The following MACF1 variants were observed in gnomAD, a reference collection of about 807,000 sequenced individuals.
The protein encoded by MACF1 is microtubule actin crosslinking factor 1.
Under a neutral mutation model 854.8 loss-of-function variants are expected in MACF1, and 193 were observed. That is an observed-to-expected ratio of 0.23 (90% CI 0.20 to 0.25). MACF1 has a LOEUF of 0.25. Ranked by LOEUF, MACF1 falls within the 10% of genes least tolerant of loss-of-function variation. MACF1 has a pLI of 1.00. For synonymous variants in MACF1, 3,185 were observed against 3,226.7 expected, an observed-to-expected ratio of 0.99 and a Z score of 0.44; for missense variants, 7,722 against 8,929.1, an observed-to-expected ratio of 0.86 and a Z score of 5.45.
At chr1:39,203,255 G>A (rs1008953842), upstream of MACF1, among the ~76,000 whole-genome samples, 1 of 152,200 alleles carries the variant, frequency 6.6e-6, no homozygotes, top group Non-Finnish European at 1.5e-5. Context: ...AAAGGCTGTA[G>A]TGCAGTGGCA....
chr1:39,164,141 G>C (rs1418893131), intron 2 of MACF1, among the ~76,000 whole-genome samples: 2 of 152,112 alleles, frequency 1.3e-5, no homozygotes, highest in Non-Finnish European at 2.9e-5. Flanking sequence ...ACATACTCCA[G>C]TAGCGGGGCA....
chr1:39,454,489 G>A (rs1328560138), intron 88 of MACF1, among the ~76,000 whole-genome samples: 1 of 152,084 alleles, frequency 6.6e-6, no homozygotes, highest in Non-Finnish European at 1.5e-5. Context: ...GACTGTTTGG[G>A]TGGTCTCTCC....
intron 92 of MACF1, among the ~76,000 whole-genome samples, chr1:39,461,543 C>G (rs112836713): frequency 6.6e-6 from 1 of 151,998 alleles, no homozygotes; most frequent in Admixed American, 6.6e-5. Flanking sequence ...AATCCCAGCA[C>G]TTTGGGAGGC....
chr1:39,440,943 A>G, intron 72 of MACF1, 60 bp from the exon 73 acceptor site: 1 of 1,595,576 alleles, frequency 6.3e-7, no homozygotes, highest in Non-Finnish European at 8.6e-7. Flanking sequence ...ACATTTGCAA[A>G]GTTTGGTAAG....
intron 6 of MACF1, among the ~76,000 whole-genome samples, chr1:39,265,698 T>G (rs182883776): frequency 9.8e-5 from 15 of 152,330 alleles, no homozygotes; most frequent in African/African-American, 3.6e-4. Flanking sequence ...CAGTTTCTAC[T>G]GAATGCATAT....
In MACF1 at chr1:39,084,257, ATGTCGGAGTGAGCGGTCT is replaced by A. The variant is rs376408478; in HGVS notation, c.54_71del (p.Cys20_Ser25del). On this transcript the variant is annotated inframe_deletion, in exon 2 of 94. Coordinates refer to the MACF1 transcript ENST00000361689. This position sits in a 1 kb window ranked among gnomAD's most constrained non-coding sequence, Gnocchi z 5.2. ...ATGAAGAGACGCTCAGTGAGCGGTC[ATGTCGGAGTGAGCGGTCT>A]TGTCGGAGTGAGCGATCTTACAGGA... 7.1e-5 allele frequency: 115 copies of A among 1,612,846 alleles called. No homozygotes were observed. Among genetic ancestry groups the A allele is most frequent in the African/African-American group, 6.8e-4 (51 of 75,022 alleles).
At chr1:39,129,382 G>T (rs772188589) in intron 2 of MACF1, among the ~76,000 whole-genome samples, 1 of 152,194 alleles carries the variant, frequency 6.6e-6, no homozygotes, top group African/African-American at 2.4e-5. Flanking sequence ...AAAGGCTGGC[G>T]TATTGCAGAG....
intron 2 of MACF1, among the ~76,000 whole-genome samples, chr1:39,174,295 A>G (rs1409066216): frequency 1.3e-5 from 2 of 152,180 alleles, no homozygotes; most frequent in Non-Finnish European, 2.9e-5. Flanking sequence ...ATAGTAGACC[A>G]TTTTCATAGG....
upstream of MACF1, among the ~76,000 whole-genome samples, chr1:39,201,955 CTTTTTTTTTT>C (rs748333630): frequency 2.2e-3 from 117 of 52,364 alleles, no homozygotes; most frequent in Non-Finnish European, 2.9e-3. Context: ...TGCTCATATT[CTTTTTTTTTT>C]TTTTTTTTTT....
intron 100 of MACF1, 179 bp downstream of exon 100, chr1:39,484,909 T>G (rs1645076692): frequency 2.9e-6 from 2 of 685,022 alleles, no homozygotes; most frequent in East Asian, 5.5e-5. Context: ...ACAGCTAGCT[T>G]TAAGCTTTCC....
At chr1:39,450,674 C>T (rs1644324574) in intron 84 of MACF1, among the ~76,000 whole-genome samples, 1 of 139,940 alleles carries the variant, frequency 7.1e-6, no homozygotes. Context: ...TGCAGTGGTG[C>T]AATCTCGGCT....
chr1:39,368,527 A>G (rs1044417449), intron 50 of MACF1, among the ~76,000 whole-genome samples: 6 of 151,816 alleles, frequency 4.0e-5, no homozygotes, highest in African/African-American at 1.2e-4. Context: ...TTTGAGACTG[A>G]GTATCACTCT....
intron 95 of MACF1, among the ~76,000 whole-genome samples, chr1:39,465,882 AG>A (rs1342269406): frequency 6.6e-6 from 1 of 152,238 alleles, no homozygotes; most frequent in African/African-American, 2.4e-5. Context: ...TGGGAAGAAC[AG>A]GGGATAAGAG....
chr1:39,097,078 T>C (rs1158685583), intron 2 of MACF1, among the ~76,000 whole-genome samples: 6 of 151,998 alleles, frequency 3.9e-5, no homozygotes. Context: ...AGTTTCACCA[T>C]GTTGGCCAGG....
intron 2 of MACF1, among the ~76,000 whole-genome samples, chr1:39,125,437 A>G (rs1379573191): frequency 6.6e-6 from 1 of 152,198 alleles, no homozygotes; most frequent in Non-Finnish European, 1.5e-5. Flanking sequence ...GAATAAGATA[A>G]TACGTATTAG....
chr1:39,270,937 TAG>T, intron 6 of MACF1, among the ~76,000 whole-genome samples: 1 of 152,274 alleles, frequency 6.6e-6, no homozygotes, highest in Non-Finnish European at 1.5e-5. Context: ...CCTCTGTTAT[TAG>T]AGTTTGGAGA....
chr1:39,251,815 A>G (rs1185301985), intron 3 of MACF1, 31 bp from the exon 4 acceptor site: 6 of 1,248,180 alleles, frequency 4.8e-6, no homozygotes, highest in Non-Finnish European at 6.2e-6. Flanking sequence ...TTGTTCCTCT[A>G]TTGTGTCTTT....
intron 2 of MACF1, among the ~76,000 whole-genome samples, chr1:39,234,263 G>A (rs1644824284): frequency 6.6e-6 from 1 of 151,990 alleles, no homozygotes; most frequent in Non-Finnish European, 1.5e-5. Context: ...ATTCCACAAA[G>A]CCGCCATTGT....
chr1:39,311,154 G>A (rs562026714), intron 26 of MACF1, among the ~76,000 whole-genome samples, 154 bp downstream of exon 26: 4 of 152,318 alleles, frequency 2.6e-5, no homozygotes, highest in African/African-American at 4.8e-5. Flanking sequence ...TCTTTTACCC[G>A]TGGAGAAGTG....
Sources: allele counts gnomAD v4.1 joint callset (sites outside exome capture counted in the v4.1 genomes callset), GRCh38; gene constraint gnomAD v4.1.1; non-coding constraint Gnocchi (gnomAD v3.1); transcripts MANE v1.5; gene names NCBI Gene and HGNC (gene_info 2026-07-23, HGNC 2026-07-21).